VDAC1: variants seen among roughly 807,000 people sequenced by gnomAD.
VDAC1 encodes the protein voltage dependent anion channel 1, also known as non-selective voltage-gated ion channel VDAC1.
A neutral mutation model predicts 34.7 loss-of-function variants in VDAC1; 10 were observed. The observed-to-expected ratio is 0.29, with a 90% confidence interval of 0.18 to 0.49. The LOEUF (loss-of-function observed/expected upper bound fraction) is 0.49, where lower values mean the gene tolerates loss of function less well. Ranked by LOEUF, VDAC1 falls within the 20% of genes least tolerant of loss-of-function variation. The pLI is 0.99. For synonymous variants in VDAC1, 130 were observed against 136.0 expected, an observed-to-expected ratio of 0.96 and a Z score of 0.30; for missense variants, 230 against 347.9, an observed-to-expected ratio of 0.66 and a Z score of 2.69.
At chr5:134,066,713 G>C in the VDAC1 span, among the ~76,000 whole-genome samples, 1 of 152,162 alleles carries the variant, frequency 6.6e-6, no homozygotes, top group Non-Finnish European at 1.5e-5. Flanking sequence ...CTTTTGGTGT[G>C]AGATAGATGA....
At chr5:134,026,454 G>T in the VDAC1 span, among the ~76,000 whole-genome samples, 3 of 145,658 alleles carry the variant, frequency 2.1e-5, no homozygotes, top group Non-Finnish European at 4.5e-5. Context: ...GGTGGAGCTT[G>T]CAGTGAGCCA....
chr5:134,058,639 C>A, the VDAC1 span, among the ~76,000 whole-genome samples: 3 of 152,290 alleles, frequency 2.0e-5, no homozygotes, highest in East Asian at 5.8e-4. Flanking sequence ...CTTAAGGCCA[C>A]CTGAGAGACC....
At chr5:133,996,989 G>A (rs1012922373) in intron 1 of VDAC1, among the ~76,000 whole-genome samples, 1 of 152,118 alleles carries the variant, frequency 6.6e-6, no homozygotes, top group East Asian at 1.9e-4. Context: ...GGTTGCTTCT[G>A]ACCTCAATAC....
the VDAC1 span, among the ~76,000 whole-genome samples, chr5:134,062,843 T>A: frequency 2.0e-5 from 3 of 150,110 alleles, no homozygotes; most frequent in African/African-American, 4.9e-5. Flanking sequence ...GCCAGGCTGG[T>A]CTCGAAGCCC....
At chr5:133,983,289 CAATAT>C (rs1752771180) in intron 5 of VDAC1, among the ~76,000 whole-genome samples, 1 of 150,248 alleles carries the variant, frequency 6.7e-6, no homozygotes, top group African/African-American at 2.4e-5. Context: ...CAACTTTTTT[CAATAT>C]AATAATAATA....
chr5:134,059,166 CAGGCTGAGGGCTGTA>C, the VDAC1 span, among the ~76,000 whole-genome samples: 2 of 152,186 alleles, frequency 1.3e-5, no homozygotes, highest in African/African-American at 4.8e-5. Flanking sequence ...TCCAGAGCTC[CAGGCTGAGGGCTGTA>C]AGGAAAGAAA....
At chr5:134,005,183 G>T, upstream of VDAC1, 1 of 152,320 alleles carries the variant, frequency 6.6e-6, no homozygotes. Context: ...CGCGCTGCTA[G>T]ATCCCCCGGG....
chr5:133,987,847 CA>C (rs1752962818), intron 5 of VDAC1, among the ~76,000 whole-genome samples: 1 of 152,104 alleles, frequency 6.6e-6, no homozygotes, highest in Non-Finnish European at 1.5e-5. Flanking sequence ...AACTGATCAC[CA>C]AAAATGAGGC....
At chr5:134,050,944 C>T in the VDAC1 span, among the ~76,000 whole-genome samples, 1 of 152,134 alleles carries the variant, frequency 6.6e-6, no homozygotes, top group African/African-American at 2.4e-5. Flanking sequence ...GAAGAGGCCT[C>T]TGGCGGTTCT....
rs1293088909 is a variant in VDAC1, at chr5:133,972,471, A to G, written c.*300T>C. The G allele has an allele frequency of 2.3e-6, 1 of 442,560 alleles. No individual in the cohort carries two copies. Among genetic ancestry groups the G allele is most frequent in the Admixed American group, 3.9e-5 (1 of 25,856 alleles). 27.4% of individuals were successfully genotyped at this position (442,560 alleles called of 1,614,324 possible). On this transcript the variant is annotated 3_prime_UTR_variant, in exon 9 of 9. Transcript: ENST00000265333. ...TTCATTTACTCAATATGAATTTACA[A>G]AGTGCCTACATATTATCCGCTTCCA...
chr5:134,016,064 C>G, the VDAC1 span, among the ~76,000 whole-genome samples: 1 of 152,230 alleles, frequency 6.6e-6, no homozygotes, highest in African/African-American at 2.4e-5. Flanking sequence ...GCTAAGATTA[C>G]AGGCATGAGC....
chr5:133,990,807 T>C, intron 5 of VDAC1, 48 bp downstream of exon 5: 1 of 1,512,006 alleles, frequency 6.6e-7, no homozygotes, highest in East Asian at 2.3e-5. Flanking sequence ...TTCCACCACC[T>C]GCAACATCAG....
chr5:134,014,801 G>A, the VDAC1 span, among the ~76,000 whole-genome samples: 1 of 152,168 alleles, frequency 6.6e-6, no homozygotes, highest in African/African-American at 2.4e-5. Context: ...GGGAGGTGGA[G>A]GTTTCAGCGA....
At chr5:133,981,728 T>C (rs962767758) in intron 5 of VDAC1, among the ~76,000 whole-genome samples, 1 of 152,200 alleles carries the variant, frequency 6.6e-6, no homozygotes, top group East Asian at 1.9e-4. Context: ...TATTACCATG[T>C]CTTTTACCAA....
chr5:134,017,124 C>T, the VDAC1 span, among the ~76,000 whole-genome samples: 1 of 152,206 alleles, frequency 6.6e-6, no homozygotes, highest in Non-Finnish European at 1.5e-5. Context: ...TCCTCTCTTT[C>T]CTTATTCTGA....
intron 6 of VDAC1, among the ~76,000 whole-genome samples, chr5:133,980,096 A>C (rs1752635030): frequency 6.6e-6 from 1 of 152,240 alleles, no homozygotes; most frequent in Non-Finnish European, 1.5e-5. Flanking sequence ...TGTGCCTGTC[A>C]CAGGTTAATT....
At chr5:134,080,626 A>G in the VDAC1 span, among the ~76,000 whole-genome samples, 1 of 151,436 alleles carries the variant, frequency 6.6e-6, no homozygotes, top group Admixed American at 6.6e-5. Context: ...TGGGGCACCA[A>G]CAACATGAGT....
intron 1 of VDAC1, among the ~76,000 whole-genome samples, chr5:133,995,750 G>C (rs1753276036): frequency 1.3e-5 from 2 of 152,094 alleles, no homozygotes; most frequent in Admixed American, 1.3e-4. Context: ...CCCCCAAAAT[G>C]CCCATTTTTA....
chr5:134,103,904 G>T, the VDAC1 span, among the ~76,000 whole-genome samples: 1 of 152,188 alleles, frequency 6.6e-6, no homozygotes, highest in Non-Finnish European at 1.5e-5. Flanking sequence ...GCGCTGCTCG[G>T]CTCCTAGGTG....
Sources: gnomAD v4.1 joint callset for allele counts (sites outside exome capture counted in the v4.1 genomes callset) on GRCh38, gnomAD v4.1.1 for gene constraint, MANE v1.5 for transcripts, NCBI Gene and HGNC (gene_info 2026-07-23, HGNC 2026-07-21) for gene names.